The following ASXL3 variants were observed in gnomAD, a reference collection of about 807,000 sequenced individuals.
The protein encoded by ASXL3 is putative Polycomb group protein ASXL3.
Under a neutral mutation model 170.6 loss-of-function variants are expected in ASXL3, and 34 were observed. The observed-to-expected ratio is 0.20, with a 90% CI of 0.15 to 0.27. The LOEUF is 0.27. ASXL3 is among the 10% of genes least tolerant of loss of function. ASXL3 has a pLI of 1.00. For synonymous variants in ASXL3, 1,002 were observed against 989.1 expected, an observed-to-expected ratio of 1.01 and a Z score of -0.24; for missense variants, 2,592 against 2,695.3, an observed-to-expected ratio of 0.96 and a Z score of 0.85.
Position 33,743,334 on chromosome 18 carries a change from T to C in ASXL3, c.3486T>C (p.Asn1162=), listed in dbSNP as rs1251337455. Residue 1162 remains asparagine (N), a synonymous_variant, in exon 12 of 12, where the codon AAT becomes AAC. Transcript: ENST00000269197. ...GTTCGACTGGTGTCATTATTGTCAA[T>C]CCAAACTGTAGATCTCCTAGCAACA... ...MEGSTGVIIV[N]PNCRSPSNKS... 1 of 1,613,820 alleles carries C rather than the reference T, an allele frequency of 6.2e-7. No individual in the cohort carries two copies. The highest frequency in any genetic ancestry group is 2.2e-5 in the East Asian group (1 of 44,874).
chr18:33,671,861 G>C lies in ASXL3; in HGVS notation c.710G>C (p.Gly237Ala). The C allele has an allele frequency of 6.2e-7, 1 of 1,602,048 alleles. No individual in the cohort carries two copies. Among genetic ancestry groups the C allele is most frequent in the Non-Finnish European group, 8.5e-7 (1 of 1,174,594 alleles). ...CACTTAAAACGATTAAAAAAGTCTG[G>C]TTTAGGTGAGTGTTTAATAGACTAT... ...SQHLKRLKKS[G>A]LGHLKWTKAE... Residue 237 changes from glycine (G) to alanine (A), a missense_variant, in exon 7 of 12, where the codon GGT (glycine) becomes GCT (alanine). By Grantham distance (60) the Gly-to-Ala change is moderately conservative. This residue lies in a region of ASXL3 where 251 missense variants were observed against 281.9 expected (regional missense o/e 0.89). Transcript: ENST00000269197.
rs1050686905 is a variant in ASXL3 at position 33,657,457 on chromosome 18, G to A, written c.356-4159G>A. Among the ~76,000 whole-genome samples the A allele has an allele frequency of 5.3e-5, 8 of 152,040 alleles. No homozygotes were observed. In the East Asian group the frequency reaches 1.5e-3, roughly 29 times the overall value. ...CAGTTACAATTGTGGATGTCCTCTT[G>A]TACACCTGTCAGTGGATTAGTAATT... On this transcript the variant is annotated intron_variant, in intron 4 of 11. Transcript: ENST00000269197.
chr18:33,689,100 T>C (rs1599497277), intron 8 of ASXL3, among the ~76,000 whole-genome samples: 1 of 152,174 alleles, frequency 6.6e-6, no homozygotes, highest in African/African-American at 2.4e-5. Context: ...TTCAAGCGAT[T>C]CTCCTGCCTC....
chr18:33,713,690 G>A (rs2067118886), intron 8 of ASXL3, among the ~76,000 whole-genome samples: 1 of 152,200 alleles, frequency 6.6e-6, no homozygotes, highest in Non-Finnish European at 1.5e-5. Flanking sequence ...CGGGGCGTAG[G>A]CCATCTGGAT....
intron 1 of ASXL3, among the ~76,000 whole-genome samples, chr18:33,589,791 T>C (rs1013673108): frequency 6.6e-6 from 1 of 152,182 alleles, no homozygotes; most frequent in Non-Finnish European, 1.5e-5. Context: ...TTATCACTAA[T>C]TAATAAAAAT....
At chr18:33,629,652 CTCTCTGGAGAG>C (rs2065649238) in intron 2 of ASXL3, among the ~76,000 whole-genome samples, 1 of 151,986 alleles carries the variant, frequency 6.6e-6, no homozygotes, top group Non-Finnish European at 1.5e-5. Context: ...ATTGGAATTG[CTCTCTGGAGAG>C]TCTCTGTGTG....
intron 11 of ASXL3, among the ~76,000 whole-genome samples, chr18:33,742,559 CTTTCTT>C (rs1416253615): frequency 1.3e-5 from 2 of 152,088 alleles, no homozygotes; most frequent in Non-Finnish European, 2.9e-5. Context: ...ATCTTGAAGT[CTTTCTT>C]TTTAGCCTAC....
intron 2 of ASXL3, among the ~76,000 whole-genome samples, chr18:33,614,026 T>G (rs996220613): frequency 6.6e-6 from 1 of 152,084 alleles, no homozygotes; most frequent in African/African-American, 2.4e-5. Flanking sequence ...CTGATCAGGA[T>G]AGTGGTTGCT....
At chr18:33,616,140 T>C (rs2065418593) in intron 2 of ASXL3, among the ~76,000 whole-genome samples, 1 of 152,130 alleles carries the variant, frequency 6.6e-6, no homozygotes, top group African/African-American at 2.4e-5. Context: ...GATGATAAGA[T>C]TAGATATTAT....
At chr18:33,734,063 A>AGCATTTAGCTTTAGCATTCTTCTAAG (rs2067502033) in intron 9 of ASXL3, among the ~76,000 whole-genome samples, 1 of 140,672 alleles carries the variant, frequency 7.1e-6, no homozygotes, top group Non-Finnish European at 1.6e-5. Context: ...ATTCTTCTAA[A>AGCATTTAGCTTTAGCATTCTTCTAAG]GCATTTAGCT....
At chr18:33,736,615 TTTAG>T (rs1167218953) in intron 10 of ASXL3, among the ~76,000 whole-genome samples, 2 of 152,242 alleles carry the variant, frequency 1.3e-5, no homozygotes, top group South Asian at 2.1e-4. Flanking sequence ...ATCTGTCTGA[TTTAG>T]TTTTCAATTT....
At chr18:33,621,665 G>T (rs1215673985) in intron 2 of ASXL3, among the ~76,000 whole-genome samples, 1 of 152,128 alleles carries the variant, frequency 6.6e-6, no homozygotes, top group Non-Finnish European at 1.5e-5. Context: ...CCATGGGTTG[G>T]TGGAGAGAGC....
chr18:33,748,476 C>CA lies in ASXL3; in HGVS notation c.*1882dup, dbSNP rs1311529724. The CA allele has an allele frequency of 6.6e-6, 1 of 152,138 alleles. No homozygotes were observed. Among genetic ancestry groups the CA allele is most frequent in the Non-Finnish European group, 1.5e-5 (1 of 68,028 alleles). The allele number at this position is 152,138 out of a possible 1,614,324, so 9.4% of individuals were successfully genotyped here. A position where few individuals can be genotyped will look rare whatever the true frequency, so the allele number is the denominator to read the frequency against. On this transcript the variant is annotated 3_prime_UTR_variant, in exon 12 of 12. Coordinates refer to ENST00000269197, the MANE Select transcript of ASXL3 (RefSeq NM_030632.3). ...CATGATTTTGGTGCTTCAGTACTGT[C>CA]ATTTCTGTTTTTCACAGTAAAATTG... is the stretch of plus-strand genomic sequence containing the variant.
intron 5 of ASXL3, among the ~76,000 whole-genome samples, chr18:33,664,745 G>T (rs1012618534): frequency 4.6e-5 from 7 of 152,146 alleles, no homozygotes; most frequent in East Asian, 1.9e-4. Context: ...ATGTTTACAG[G>T]GCTCTTTGAT....
intron 2 of ASXL3, among the ~76,000 whole-genome samples, chr18:33,629,696 C>A (rs2065649968): frequency 6.6e-6 from 1 of 151,988 alleles, no homozygotes; most frequent in Non-Finnish European, 1.5e-5. Flanking sequence ...ATTGATATTG[C>A]TGTCAAATAA....
At position 33,746,208 on chromosome 18, in the gene ASXL3, A is replaced by C. The variant is rs779649730; in HGVS notation, c.6360A>C (p.Ala2120=). The change falls in exon 12 of 12, where the codon GCA becomes GCC. Residue 2120 remains alanine (A), a synonymous_variant. Coordinates refer to ENST00000269197, the MANE Select transcript of ASXL3 (RefSeq NM_030632.3). ...EQLKAFALKS[A]DFSSYLLSEP... ...TAAAAGCATTCGCGCTAAAAAGTGC[A>C]GATTTCTCTTCCTATTTGCTTTCTG... is the stretch of plus-strand genomic sequence containing the variant. 4 of 1,613,984 alleles carry C rather than the reference A, an allele frequency of 2.5e-6. No individual in the cohort carries two copies. Among genetic ancestry groups the C allele is most frequent in the Middle Eastern group, 1.6e-4 (1 of 6,062 alleles).
intron 2 of ASXL3, among the ~76,000 whole-genome samples, chr18:33,636,029 G>T (rs2065757660): frequency 6.6e-6 from 1 of 152,124 alleles, no homozygotes; most frequent in Admixed American, 6.5e-5. Context: ...AATTTTCAAA[G>T]AAAATAAACC....
chr18:33,648,520 G>A (rs1474834291), intron 4 of ASXL3, among the ~76,000 whole-genome samples: 1 of 152,024 alleles, frequency 6.6e-6, no homozygotes, highest in Non-Finnish European at 1.5e-5. Context: ...GCTCAGTTCT[G>A]GACATGAAAT....
chr18:33,662,636 G>A (rs1456655448), intron 5 of ASXL3, among the ~76,000 whole-genome samples: 2 of 152,080 alleles, frequency 1.3e-5, no homozygotes, highest in Non-Finnish European at 2.9e-5. Flanking sequence ...GAAGGTTCAC[G>A]TATTTAATTC....
Sources: allele counts gnomAD v4.1 joint callset (sites outside exome capture counted in the v4.1 genomes callset), GRCh38; gene constraint gnomAD v4.1.1; regional missense constraint gnomAD v4.1.1; transcripts MANE v1.5; gene names NCBI Gene and HGNC (gene_info 2026-07-23, HGNC 2026-07-21).